The following LEF1 variants were observed in gnomAD, a reference collection of about 807,000 sequenced individuals.
LEF1 encodes lymphoid enhancer binding factor 1, also known as lymphoid enhancer-binding factor 1.
LEF1 carries 14 observed loss-of-function variants against 51.2 expected under a neutral mutation model. The observed-to-expected ratio is 0.27, with a 90% confidence interval of 0.18 to 0.43. The LOEUF (loss-of-function observed/expected upper bound fraction) is 0.43. LEF1 is among the 20% of genes least tolerant of loss of function. The pLI, the probability that LEF1 is intolerant of heterozygous loss-of-function variation, is 1.00. For synonymous variants in LEF1, 185 were observed against 183.2 expected, an observed-to-expected ratio of 1.01 and a Z score of -0.08; for missense variants, 386 against 512.0, an observed-to-expected ratio of 0.75 and a Z score of 2.37.
chr4:108,077,178 AAT>A (rs1055776736), intron 8 of LEF1, among the ~76,000 whole-genome samples: 9 of 150,724 alleles, frequency 6.0e-5, no homozygotes, highest in African/African-American at 1.9e-4. Context: ...ATCTCTACAA[AAT>A]TTTTTTTTTT....
At chr4:108,136,802 C>A (rs1196471248) in intron 3 of LEF1, among the ~76,000 whole-genome samples, 1 of 152,018 alleles carries the variant, frequency 6.6e-6, no homozygotes, top group Non-Finnish European at 1.5e-5. Context: ...TGTTCTAACT[C>A]AAAATATCCA....
chr4:108,048,861 C>A (rs1295852081), intron 11 of LEF1, 110 bp from the exon 12 acceptor site: 12 of 676,446 alleles, frequency 1.8e-5, no homozygotes, highest in Middle Eastern at 2.7e-4. Flanking sequence ...TTTAATTAAT[C>A]CATTTTGTTA....
intron 3 of LEF1, among the ~76,000 whole-genome samples, chr4:108,117,031 C>T (rs1420644585): frequency 6.6e-6 from 1 of 152,236 alleles, no homozygotes; most frequent in Non-Finnish European, 1.5e-5. Flanking sequence ...CACATTCACA[C>T]ATCCTCTTTT....
chr4:108,119,207 T>C lies in LEF1; in HGVS notation c.415-29950A>G, dbSNP rs1285757081. Among the ~76,000 whole-genome samples the C allele has an allele frequency of 2.0e-5, 3 of 149,776 alleles. No individual in the cohort carries two copies. In the Admixed American group the frequency reaches 2.0e-4, roughly 10 times the overall value. On this transcript the variant is annotated intron_variant, in intron 3 of 11. Coordinates refer to ENST00000265165, the MANE Select transcript of LEF1 (RefSeq NM_016269.5). ...ACATCAGGTGATGGAAAATCACATATTGAGGAGAAAAGTCAGTCCTTGGGT... is the reference window on the plus strand; with the variant it reads ...ACATCAGGTGATGGAAAATCACATACTGAGGAGAAAAGTCAGTCCTTGGGT...
chr4:108,123,498 A>C (rs1290248193), intron 3 of LEF1, among the ~76,000 whole-genome samples: 3 of 146,526 alleles, frequency 2.0e-5, no homozygotes, highest in Admixed American at 6.9e-5. Flanking sequence ...GTACCCTACA[A>C]GATAGAATCT....
intron 3 of LEF1, among the ~76,000 whole-genome samples, chr4:108,113,817 A>G (rs1369567865): frequency 6.6e-6 from 1 of 152,188 alleles, no homozygotes; most frequent in Non-Finnish European, 1.5e-5. Flanking sequence ...TCAGCTACCC[A>G]CTGTCACAAG....
At chr4:108,159,352 T>C (rs543019816) in intron 3 of LEF1, among the ~76,000 whole-genome samples, 1 of 152,300 alleles carries the variant, frequency 6.6e-6, no homozygotes, top group Non-Finnish European at 1.5e-5. Flanking sequence ...TAAAACTTAT[T>C]CTCCACTTGA....
intron 7 of LEF1, 83 bp downstream of exon 7, chr4:108,079,409 A>G (rs1666595569): frequency 2.7e-6 from 4 of 1,469,528 alleles, no homozygotes; most frequent in Non-Finnish European, 3.8e-6. Context: ...AAAGGGGTGA[A>G]GGATCACTGT....
At chr4:108,075,209 C>T (rs533495971) in intron 8 of LEF1, among the ~76,000 whole-genome samples, 72 of 152,304 alleles carry the variant, frequency 4.7e-4, no homozygotes, top group African/African-American at 1.7e-3. Context: ...CCACATCCTC[C>T]CCTGGAAACC....
intron 9 of LEF1, chr4:108,070,384 CT>C (rs1279981576): frequency 2.9e-5 from 7 of 244,564 alleles, no homozygotes; most frequent in East Asian, 2.4e-4. Flanking sequence ...AGATTATGGT[CT>C]TTTTTTAATG....
chr4:108,111,362 T>C (rs1741519114), intron 3 of LEF1, among the ~76,000 whole-genome samples: 2 of 152,174 alleles, frequency 1.3e-5, no homozygotes, highest in African/African-American at 4.8e-5. Flanking sequence ...CTGCTGAGTG[T>C]ACCTGGGGAC....
intron 3 of LEF1, among the ~76,000 whole-genome samples, chr4:108,155,822 T>C (rs1173787243): frequency 6.6e-6 from 1 of 152,224 alleles, no homozygotes; most frequent in Non-Finnish European, 1.5e-5. Flanking sequence ...CCTTCCCTTC[T>C]CTATGTTTAG....
Position 108,106,075 on chromosome 4 carries a change from A to C in LEF1, c.415-16818T>G, listed in dbSNP as rs557030583. ...CAAAGCTACTACCAGACCCAGTCAC[A>C]AATGCTCAGAGGTGAGCCCAGATAT... On this transcript the variant is annotated intron_variant, in intron 3 of 11. Transcript: ENST00000265165. Among the ~76,000 whole-genome samples the C allele has an allele frequency of 4.9e-4, 75 of 152,322 alleles. 1 individual carries two copies. Among genetic ancestry groups the C allele is most frequent in the Non-Finnish European group, 8.4e-4 (57 of 68,022 alleles).
chr4:108,051,216 GT>G (rs1259527287), intron 11 of LEF1, among the ~76,000 whole-genome samples: 2 of 151,870 alleles, frequency 1.3e-5, no homozygotes, highest in Non-Finnish European at 2.9e-5. Flanking sequence ...CCTCTGTACA[GT>G]TGCTTACCAA....
intron 3 of LEF1, among the ~76,000 whole-genome samples, chr4:108,097,367 T>C (rs1578338777): frequency 6.6e-6 from 1 of 152,184 alleles, no homozygotes; most frequent in Non-Finnish European, 1.5e-5. Context: ...TCTCACTCAT[T>C]TGTGAGAGCT....
intron 11 of LEF1, among the ~76,000 whole-genome samples, chr4:108,060,506 C>A (rs1737608932): frequency 6.6e-6 from 1 of 152,080 alleles, no homozygotes; most frequent in Admixed American, 6.6e-5. Flanking sequence ...ACCTGGGAGA[C>A]TGGGTGGCCT....
intron 2 of LEF1, 64 bp from the exon 3 acceptor site, chr4:108,163,765 A>C: frequency 1.3e-6 from 2 of 1,522,968 alleles, no homozygotes; most frequent in East Asian, 4.6e-5. Flanking sequence ...TGTATTTTTC[A>C]TCTGAAAATC....
At chr4:108,076,691 T>C (rs1298412557) in intron 8 of LEF1, among the ~76,000 whole-genome samples, 1 of 152,162 alleles carries the variant, frequency 6.6e-6, no homozygotes, top group Non-Finnish European at 1.5e-5. Context: ...GCATCTACTT[T>C]ATTCAGCAAT....
intron 3 of LEF1, among the ~76,000 whole-genome samples, chr4:108,130,770 T>C (rs1742829143): frequency 6.6e-6 from 1 of 150,856 alleles, no homozygotes; most frequent in South Asian, 2.1e-4. Context: ...TGCTACTAAA[T>C]GTAAAATAAC....
Sources: gnomAD v4.1 joint callset for allele counts (sites outside exome capture counted in the v4.1 genomes callset) on GRCh38, gnomAD v4.1.1 for gene constraint, MANE v1.5 for transcripts, NCBI Gene and HGNC (gene_info 2026-07-23, HGNC 2026-07-21) for gene names.